The following EPHA6 variants were observed in gnomAD, a reference collection of about 807,000 sequenced individuals.
EPHA6 encodes ephrin type-A receptor 6.
Under a neutral mutation model 112.0 loss-of-function variants are expected in EPHA6, and 50 were observed. The observed-to-expected ratio is 0.45, with a 90% CI of 0.36 to 0.56. The LOEUF is 0.56. Among genes scored for constraint, EPHA6 ranks in the 20% least tolerant of loss-of-function variants. EPHA6 has a pLI of 0.00. For synonymous variants in EPHA6, 529 were observed against 490.7 expected, an observed-to-expected ratio of 1.08 and a Z score of -1.03; for missense variants, 1,280 against 1,417.4, an observed-to-expected ratio of 0.90 and a Z score of 1.56.
intron 11 of EPHA6, among the ~76,000 whole-genome samples, chr3:97,578,783 A>T (rs1419239695): frequency 6.6e-6 from 1 of 152,220 alleles, no homozygotes; most frequent in Non-Finnish European, 1.5e-5. Context: ...AAATTTAAAA[A>T]ATTTCAGGGA....
chr3:97,292,816 G>A (rs770005387), intron 5 of EPHA6, among the ~76,000 whole-genome samples: 3 of 148,536 alleles, frequency 2.0e-5, no homozygotes, highest in Admixed American at 6.7e-5. Context: ...TCATCCCGGT[G>A]AGCGTCCTGC....
At position 97,748,835 on chromosome 3, in the gene EPHA6, C is replaced by G; in HGVS notation, c.*134C>G. 1 of 628,390 alleles carries G rather than the reference C, an allele frequency of 1.6e-6. No individual in the cohort carries two copies. The highest frequency in any genetic ancestry group is 2.9e-6 in the Non-Finnish European group (1 of 346,386). 38.9% of individuals were successfully genotyped at this position (628,390 alleles called of 1,614,324 possible). A position where few individuals can be genotyped will look rare whatever the true frequency, so the allele number is the denominator to read the frequency against. ...CTTCTGTTCAGACTATAGGCACACACCTTATGTTTATGCTTCCAACCAGGA... is the reference window on the plus strand; with the variant it reads ...CTTCTGTTCAGACTATAGGCACACAGCTTATGTTTATGCTTCCAACCAGGA... On this transcript the variant is annotated 3_prime_UTR_variant, in exon 18 of 18. Transcript: ENST00000389672.
At chr3:96,941,503 A>G (rs1039744603) in intron 2 of EPHA6, among the ~76,000 whole-genome samples, 10 of 152,162 alleles carry the variant, frequency 6.6e-5, no homozygotes, top group South Asian at 2.1e-4. Flanking sequence ...CATTCGTCTA[A>G]TTTTTTTGAA....
intron 11 of EPHA6, among the ~76,000 whole-genome samples, chr3:97,549,872 A>G (rs924947096): frequency 2.0e-5 from 3 of 152,118 alleles, no homozygotes; most frequent in Admixed American, 6.6e-5. Flanking sequence ...GGACCCATCT[A>G]TGTTGAATTT....
intron 3 of EPHA6, among the ~76,000 whole-genome samples, chr3:97,005,539 A>G (rs938665100): frequency 1.3e-5 from 2 of 152,152 alleles, no homozygotes; most frequent in African/African-American, 4.8e-5. Flanking sequence ...AGTTTTCTAA[A>G]TATAAAATCA....
chr3:96,846,971 C>T (rs60220800), intron 1 of EPHA6, among the ~76,000 whole-genome samples: 10,473 of 152,062 alleles, frequency 0.069, 714 homozygotes, highest in Admixed American at 0.21. Context: ...GGTTTTACTT[C>T]GCATCTTTAT....
chr3:97,421,672 C>G (rs2107187130), intron 6 of EPHA6, among the ~76,000 whole-genome samples: 1 of 152,138 alleles, frequency 6.6e-6, no homozygotes, highest in South Asian at 2.1e-4. Flanking sequence ...CATGAATAAC[C>G]AGGATACTTT....
chr3:97,647,333 G>A (rs567536070), intron 14 of EPHA6, among the ~76,000 whole-genome samples: 229 of 152,136 alleles, frequency 1.5e-3, no homozygotes, highest in African/African-American at 5.4e-3. Flanking sequence ...ACCAAGAGTC[G>A]ACAGCACAGC....
intron 14 of EPHA6, among the ~76,000 whole-genome samples, chr3:97,677,752 G>T (rs1409492671): frequency 6.7e-6 from 1 of 149,840 alleles, no homozygotes; most frequent in African/African-American, 2.4e-5. Context: ...AAAAGATGTG[G>T]TTGTTGAAGA....
At chr3:97,473,141 C>T (rs1404679560) in intron 7 of EPHA6, among the ~76,000 whole-genome samples, 2 of 151,414 alleles carry the variant, frequency 1.3e-5, no homozygotes, top group Non-Finnish European at 3.0e-5. Context: ...GCATTTTACT[C>T]CCAGTATAAT....
chr3:97,315,385 C>T (rs937780525), intron 5 of EPHA6, among the ~76,000 whole-genome samples: 1 of 151,626 alleles, frequency 6.6e-6, no homozygotes, highest in African/African-American at 2.4e-5. Flanking sequence ...ACATAAAATA[C>T]AATTATACAC....
chr3:96,957,463 C>T (rs1195181811), intron 2 of EPHA6, among the ~76,000 whole-genome samples: 1 of 152,138 alleles, frequency 6.6e-6, no homozygotes, highest in African/African-American at 2.4e-5. Flanking sequence ...TAAAACTTTT[C>T]AATTTCACAA....
chr3:97,698,322 A>G (rs2033167855), intron 14 of EPHA6, among the ~76,000 whole-genome samples: 1 of 152,134 alleles, frequency 6.6e-6, no homozygotes, highest in Non-Finnish European at 1.5e-5. Context: ...TTCTTCATCT[A>G]CTTACTAATA....
intron 1 of EPHA6, among the ~76,000 whole-genome samples, chr3:96,848,246 A>C (rs1369534985): frequency 6.6e-6 from 1 of 152,094 alleles, no homozygotes; most frequent in Non-Finnish European, 1.5e-5. Context: ...AGTTATTTTT[A>C]ATATTTCTAC....
chr3:97,395,980 GA>G (rs922109529), intron 5 of EPHA6, among the ~76,000 whole-genome samples: 9 of 151,736 alleles, frequency 5.9e-5, no homozygotes, highest in African/African-American at 2.2e-4. Context: ...GATTCCATAT[GA>G]AAGCTTTTTA....
chr3:96,970,252 C>G (rs1311196834), intron 2 of EPHA6, among the ~76,000 whole-genome samples: 1 of 149,656 alleles, frequency 6.7e-6, no homozygotes, highest in East Asian at 2.0e-4. Context: ...CACACACACA[C>G]ACACACACAC....
chr3:97,645,527 AG>A (rs1179580815), intron 14 of EPHA6, among the ~76,000 whole-genome samples: 231 of 85,974 alleles, frequency 2.7e-3, no homozygotes, highest in Non-Finnish European at 3.1e-3. Flanking sequence ...GGGTGGGGGG[AG>A]GGGGGAGGGA....
intron 5 of EPHA6, among the ~76,000 whole-genome samples, chr3:97,332,302 T>C (rs1171673923): frequency 6.6e-6 from 1 of 152,126 alleles, no homozygotes; most frequent in African/African-American, 2.4e-5. Context: ...GCCAATATCA[T>C]ACTGAATGGG....
At chr3:97,466,322 T>C (rs2091051928) in intron 7 of EPHA6, 17 of 1,548,852 alleles carry the variant, frequency 1.1e-5, no homozygotes, top group Non-Finnish European at 1.4e-5. Flanking sequence ...GAAGTAACTA[T>C]ACCTAGTTTG....
Sources: gnomAD v4.1 joint callset for allele counts (sites outside exome capture counted in the v4.1 genomes callset) on GRCh38, gnomAD v4.1.1 for gene constraint, MANE v1.5 for transcripts, NCBI Gene and HGNC (gene_info 2026-07-23, HGNC 2026-07-21) for gene names.